CTXN1: variants seen among roughly 807,000 people sequenced by gnomAD.
CTXN1 encodes the protein cortexin 1, also known as cortexin-1.
CTXN1 carries 4 observed loss-of-function variants against 5.5 expected under a neutral mutation model. The ratio of observed to expected loss-of-function variants is 0.73; its 90% CI spans 0.36 to 1.68. The LOEUF is 1.68. Ranked by LOEUF, CTXN1 falls within the 40% of genes most tolerant of loss-of-function variation. The pLI is 0.05. For missense variants in CTXN1, 111 were observed against 123.0 expected, an observed-to-expected ratio of 0.90 and a Z score of 0.46; for synonymous variants, 67 against 62.8, an observed-to-expected ratio of 1.07 and a Z score of -0.32.
In CTXN1 at chr19:7,925,705, G is replaced by A; in HGVS notation, c.-20-147C>T. 2.8e-6 allele frequency: 2 copies of A among 701,840 alleles called. No individual in the cohort carries two copies. Among genetic ancestry groups the A allele is most frequent in the South Asian group, 5.5e-5 (1 of 18,322 alleles). The allele number at this position is 701,840 out of a possible 1,614,324, so 43.5% of individuals were successfully genotyped here. A position where few individuals can be genotyped will look rare whatever the true frequency, so the allele number is the denominator to read the frequency against. On this transcript the variant is annotated intron_variant, in intron 1 of 1. Coordinates refer to ENST00000318978, the MANE Select transcript of CTXN1 (RefSeq NM_206833.4). This position sits in a 1 kb window ranked among gnomAD's most constrained non-coding sequence, Gnocchi z 5.0. ...ATCCCCCGCCCGCGCCTCGGTCCCC[G>A]GGCTACGCCCATGCCCGGCCCGCCG...
Position 7,925,877 on chromosome 19 carries a change from A to ACGGTCCCCGCGGCCC in CTXN1, c.-21+75_-21+89dup, listed in dbSNP as rs1983769909. 1 of 169,132 alleles carries ACGGTCCCCGCGGCCC rather than the reference A, an allele frequency of 5.9e-6. No homozygotes were observed. Among genetic ancestry groups the ACGGTCCCCGCGGCCC allele is most frequent in the African/African-American group, 2.5e-5 (1 of 40,662 alleles). The allele number at this position is 169,132 out of a possible 1,614,324, so 10.5% of individuals were successfully genotyped here. ...CGCGGCCCGGGCGCGCGGCGTGGGGACGGTCCCCGCGGCCCCTGCCCCCGC... is the reference window on the plus strand; with the variant it reads ...CGCGGCCCGGGCGCGCGGCGTGGGGACGGTCCCCGCGGCCCCGGTCCCCGCGGCCCCTGCCCCCGC... On this transcript the variant is annotated intron_variant, in intron 1 of 1. Transcript: ENST00000318978. The surrounding 1 kb of genome is among the most constrained non-coding windows in gnomAD (Gnocchi z 5.0).
chr19:7,925,486 G>T lies in CTXN1; in HGVS notation c.53C>A (p.Pro18His). The T allele has an allele frequency of 1.3e-6, 2 of 1,534,282 alleles. No homozygotes were observed. Among genetic ancestry groups the T allele is most frequent in the South Asian group, 1.2e-5 (1 of 84,064 alleles). Residue 18 changes from proline (P) to histidine (H), a missense_variant, in exon 2 of 2, where the codon CCC becomes CAC. Coordinates refer to ENST00000318978, the MANE Select transcript of CTXN1 (RefSeq NM_206833.4). This position sits in a 1 kb window ranked among gnomAD's most constrained non-coding sequence, Gnocchi z 5.0. ...SPEPLPPSTG[P>H]PVGAGLDAEQ... Reference sequence around the variant, plus strand: ...CGCGTCCAGGCCCGCGCCCACCGGGGGCCCCGTCGACGGCGGCAGGGGCTC... The same window carrying T: ...CGCGTCCAGGCCCGCGCCCACCGGGTGCCCCGTCGACGGCGGCAGGGGCTC...
chr19:7,925,645 C>T lies in CTXN1; in HGVS notation c.-20-87G>A. ...TCCTCCGCTTCGCCCCCTCCTGCCG[C>T]CGCCGCCGCCGCCTCCCTTAACGTG... On this transcript the variant is annotated intron_variant, in intron 1 of 1. Coordinates refer to ENST00000318978, the MANE Select transcript of CTXN1 (RefSeq NM_206833.4). The surrounding 1 kb of genome is among the most constrained non-coding windows in gnomAD (Gnocchi z 5.0). The T allele has an allele frequency of 1.8e-6, 2 of 1,101,854 alleles. No homozygotes were observed. The highest frequency in any genetic ancestry group is 2.3e-6 in the Non-Finnish European group (2 of 861,858). The allele number at this position is 1,101,854 out of a possible 1,614,324, so 68.3% of individuals were successfully genotyped here.
Position 7,925,489 on chromosome 19 carries a change from C to A in CTXN1, c.50G>T (p.Gly17Val), listed in dbSNP as rs1983756968. 6.5e-7 allele frequency: 1 copy of A among 1,530,210 alleles called. No homozygotes were observed. The highest frequency in any genetic ancestry group is 1.4e-5 in the African/African-American group (1 of 70,234). The allele number at this position is 1,530,210 out of a possible 1,614,324, so 94.8% of individuals were successfully genotyped here. A position where few individuals can be genotyped will look rare whatever the true frequency, so the allele number is the denominator to read the frequency against. The change falls in exon 2 of 2, where the codon GGG (glycine) becomes GTG (valine). Residue 17 changes from glycine (G) to valine (V), a missense_variant. Physicochemically the swap from Gly to Val is moderately radical, Grantham distance 109 (BLOSUM62 -3). Coordinates refer to ENST00000318978, the MANE Select transcript of CTXN1 (RefSeq NM_206833.4). The surrounding 1 kb of genome is among the most constrained non-coding windows in gnomAD (Gnocchi z 5.0). ...LSPEPLPPST[G>V]PPVGAGLDAE... The stretch of plus-strand genomic sequence containing the variant: ...GTCCAGGCCCGCGCCCACCGGGGGC[C>A]CCGTCGACGGCGGCAGGGGCTCCGG...
rs767061441 is a variant in CTXN1, at chr19:7,925,390, A to T, written c.149T>A (p.Val50Glu). Reference protein sequence around the residue: ...VVLVLLMVRCVRILLDPYSRM... With the variant: ...VVLVLLMVRCERILLDPYSRM... ...GCTGTAGGGGTCGAGCAGGATGCGC[A>T]CGCAGCGCACCATCAACAGCACCAG... The change falls in exon 2 of 2, where the codon GTG (valine) becomes GAG (glutamate). Residue 50 changes from valine to glutamate, a missense_variant. Val to Glu is a moderately radical substitution (Grantham distance 121). Coordinates refer to ENST00000318978, the MANE Select transcript of CTXN1 (RefSeq NM_206833.4). This position sits in a 1 kb window ranked among gnomAD's most constrained non-coding sequence, Gnocchi z 5.0. The T allele has an allele frequency of 6.3e-7, 1 of 1,585,734 alleles. No homozygotes were observed. The highest frequency in any genetic ancestry group is 8.5e-7 in the Non-Finnish European group (1 of 1,171,084).
chr19:7,925,317 G>A lies in CTXN1; in HGVS notation c.222C>T (p.Arg74=), dbSNP rs772915479. The part of the protein sequence containing the change: ...SWTDHKEALE[R]GQFDYALV ...ACACCAACGCGTAGTCGAACTGCCC[G>A]CGCTCGAGCGCCTCCTTGTGGTCGG... The change falls in exon 2 of 2, where the codon CGC becomes CGT. Residue 74 remains arginine (R), a synonymous_variant. Coordinates refer to ENST00000318978, the MANE Select transcript of CTXN1 (RefSeq NM_206833.4). This position sits in a 1 kb window ranked among gnomAD's most constrained non-coding sequence, Gnocchi z 5.0. 1.7e-5 allele frequency: 25 copies of A among 1,493,960 alleles called. No homozygotes were observed. The highest frequency in any genetic ancestry group is 2.9e-5 in the African/African-American group (2 of 69,106). 92.5% of individuals were successfully genotyped at this position (1,493,960 alleles called of 1,614,324 possible). A position where few individuals can be genotyped will look rare whatever the true frequency, so the allele number is the denominator to read the frequency against.
chr19:7,925,562 C>A lies in CTXN1; in HGVS notation c.-20-4G>T. 3.0e-6 allele frequency: 4 copies of A among 1,354,614 alleles called. No homozygotes were observed. The highest frequency in any genetic ancestry group is 3.8e-6 in the Non-Finnish European group (4 of 1,059,014). The allele number at this position is 1,354,614 out of a possible 1,614,324, so 83.9% of individuals were successfully genotyped here. A position where few individuals can be genotyped will look rare whatever the true frequency, so the allele number is the denominator to read the frequency against. On this transcript the variant is annotated splice_polypyrimidine_tract_variant and splice_region_variant and intron_variant, in intron 1 of 1. Coordinates refer to ENST00000318978, the MANE Select transcript of CTXN1 (RefSeq NM_206833.4). The surrounding 1 kb of genome is among the most constrained non-coding windows in gnomAD (Gnocchi z 5.0). The stretch of plus-strand genomic sequence containing the variant: ...ATGGCTCACATCGCCGCGCGCCCTG[C>A]GGAGGAGGGGACCCGCCCCGGGCGC...
At position 7,925,639 on chromosome 19, in the gene CTXN1, C is replaced by A; in HGVS notation, c.-20-81G>T. On this transcript the variant is annotated intron_variant, in intron 1 of 1. Coordinates refer to ENST00000318978, the MANE Select transcript of CTXN1 (RefSeq NM_206833.4). This position sits in a 1 kb window ranked among gnomAD's most constrained non-coding sequence, Gnocchi z 5.0. ...CGCGCCTCCTCCGCTTCGCCCCCTCCTGCCGCCGCCGCCGCCGCCTCCCTT... is the reference window on the plus strand; with the variant it reads ...CGCGCCTCCTCCGCTTCGCCCCCTCATGCCGCCGCCGCCGCCGCCTCCCTT... 1 of 1,178,106 alleles carries A rather than the reference C, an allele frequency of 8.5e-7. No individual in the cohort carries two copies. The highest frequency in any genetic ancestry group is 1.1e-6 in the Non-Finnish European group (1 of 930,090). The allele number at this position is 1,178,106 out of a possible 1,614,324, so 73.0% of individuals were successfully genotyped here.
At position 7,925,980 on chromosome 19, in the gene CTXN1, C is replaced by A; in HGVS notation, c.-34G>T. The stretch of plus-strand genomic sequence containing the variant: ...CGCGCCCCTCACCCTGGCTTCGACC[C>A]GGACGGGGACCGACCGCCCGGCGGC... On this transcript the variant is annotated 5_prime_UTR_variant, in exon 1 of 2. Transcript: ENST00000318978. This position sits in a 1 kb window ranked among gnomAD's most constrained non-coding sequence, Gnocchi z 5.0. 6.6e-6 allele frequency: 1 copy of A among 150,600 alleles called. No homozygotes were observed. Among genetic ancestry groups the A allele is most frequent in the South Asian group, 1.9e-4 (1 of 5,294 alleles). 9.3% of individuals were successfully genotyped at this position (150,600 alleles called of 1,614,324 possible).
chr19:7,925,391 C>G lies in CTXN1; in HGVS notation c.148G>C (p.Val50Leu). 6.3e-7 allele frequency: 1 copy of G among 1,586,024 alleles called. No homozygotes were observed. The highest frequency in any genetic ancestry group is 8.5e-7 in the Non-Finnish European group (1 of 1,171,196). ...CTGTAGGGGTCGAGCAGGATGCGCA[C>G]GCAGCGCACCATCAACAGCACCAGC... ...VVLVLLMVRC[V>L]RILLDPYSRM... Residue 50 changes from valine to leucine, a missense_variant, in exon 2 of 2, where the codon GTG becomes CTG. Physicochemically the swap from Val to Leu is conservative, Grantham distance 32 (BLOSUM62 1). Coordinates refer to ENST00000318978, the MANE Select transcript of CTXN1 (RefSeq NM_206833.4). The surrounding 1 kb of genome is among the most constrained non-coding windows in gnomAD (Gnocchi z 5.0).
In CTXN1 at chr19:7,925,224, G is replaced by T; in HGVS notation, c.*66C>A. The T allele has an allele frequency of 8.3e-7, 1 of 1,207,038 alleles. No homozygotes were observed. The highest frequency in any genetic ancestry group is 1.0e-6 in the Non-Finnish European group (1 of 960,280). 74.8% of individuals were successfully genotyped at this position (1,207,038 alleles called of 1,614,324 possible). ...ATCCTGAGCGCAGTCCTGGCCCCGC[G>T]GCGCCCCCCGCCGGGCCGGCCCTCT... On this transcript the variant is annotated 3_prime_UTR_variant, in exon 2 of 2. Coordinates refer to ENST00000318978, the MANE Select transcript of CTXN1 (RefSeq NM_206833.4). The surrounding 1 kb of genome is among the most constrained non-coding windows in gnomAD (Gnocchi z 5.0).
In CTXN1 at chr19:7,925,364, G is replaced by T; in HGVS notation, c.175C>A (p.Arg59Ser). The change falls in exon 2 of 2, where the codon CGC becomes AGC. Residue 59 changes from arginine to serine, a missense_variant. Transcript: ENST00000318978. This position sits in a 1 kb window ranked among gnomAD's most constrained non-coding sequence, Gnocchi z 5.0. ...TCGGTCCAGGACGAGGCGGGCATGC[G>T]GCTGTAGGGGTCGAGCAGGATGCGC... ...CVRILLDPYS[R>S]MPASSWTDHK... 1 of 1,579,312 alleles carries T rather than the reference G, an allele frequency of 6.3e-7. No individual in the cohort carries two copies.
rs746575134 is a variant in CTXN1, at chr19:7,925,278, G to A, written c.*12C>T. The stretch of plus-strand genomic sequence containing the variant: ...ACCCCGGCGCAGGGCCGGCTAGGGG[G>A]CGCCGCGCCCCTCACACCAACGCGT... On this transcript the variant is annotated 3_prime_UTR_variant, in exon 2 of 2. Coordinates refer to ENST00000318978, the MANE Select transcript of CTXN1 (RefSeq NM_206833.4). This position sits in a 1 kb window ranked among gnomAD's most constrained non-coding sequence, Gnocchi z 5.0. 80 of 1,364,542 alleles carry A rather than the reference G, an allele frequency of 5.9e-5. No homozygotes were observed. The highest frequency in any genetic ancestry group is 6.1e-5 in the Non-Finnish European group (64 of 1,055,294). 84.5% of individuals were successfully genotyped at this position (1,364,542 alleles called of 1,614,324 possible). A position where few individuals can be genotyped will look rare whatever the true frequency, so the allele number is the denominator to read the frequency against.
rs1482069084 is a variant in CTXN1, at chr19:7,925,034, G to C, written c.*256C>G. 3.1e-6 allele frequency: 1 copy of C among 326,840 alleles called. No individual in the cohort carries two copies. Among genetic ancestry groups the C allele is most frequent in the South Asian group, 1.5e-4 (1 of 6,730 alleles). The allele number at this position is 326,840 out of a possible 1,614,324, so 20.2% of individuals were successfully genotyped here. On this transcript the variant is annotated 3_prime_UTR_variant, in exon 2 of 2. Transcript: ENST00000318978. The surrounding 1 kb of genome is among the most constrained non-coding windows in gnomAD (Gnocchi z 5.0). ...GATTCAGAGTCGGGGGTGGGGGCCAGCCGGGCGGGTGAGATGCGCAGAGAG... is the reference window on the plus strand; with the variant it reads ...GATTCAGAGTCGGGGGTGGGGGCCACCCGGGCGGGTGAGATGCGCAGAGAG...
Position 7,925,041 on chromosome 19 carries a change from G to A in CTXN1, c.*249C>T. On this transcript the variant is annotated 3_prime_UTR_variant, in exon 2 of 2. Coordinates refer to ENST00000318978, the MANE Select transcript of CTXN1 (RefSeq NM_206833.4). The surrounding 1 kb of genome is among the most constrained non-coding windows in gnomAD (Gnocchi z 5.0). The stretch of plus-strand genomic sequence containing the variant: ...AGTCGGGGGTGGGGGCCAGCCGGGC[G>A]GGTGAGATGCGCAGAGAGGAAGGGA... 1 of 338,198 alleles carries A rather than the reference G, an allele frequency of 3.0e-6. No homozygotes were observed. Among genetic ancestry groups the A allele is most frequent in the Non-Finnish European group, 5.3e-6 (1 of 188,046 alleles). 20.9% of individuals were successfully genotyped at this position (338,198 alleles called of 1,614,324 possible). A position where few individuals can be genotyped will look rare whatever the true frequency, so the allele number is the denominator to read the frequency against.
Position 7,925,253 on chromosome 19 carries a change from AC to A in CTXN1, c.*36del. 8.2e-7 allele frequency: 1 copy of A among 1,225,858 alleles called. No individual in the cohort carries two copies. Among genetic ancestry groups the A allele is most frequent in the Non-Finnish European group, 1.0e-6 (1 of 984,544 alleles). The allele number at this position is 1,225,858 out of a possible 1,614,324, so 75.9% of individuals were successfully genotyped here. The stretch of plus-strand genomic sequence containing the variant: ...CCCCCCGCCGGGCCGGCCCTCTGAG[AC>A]CCCGGCGCAGGGCCGGCTAGGGGGC... On this transcript the variant is annotated 3_prime_UTR_variant, in exon 2 of 2. Transcript: ENST00000318978. This position sits in a 1 kb window ranked among gnomAD's most constrained non-coding sequence, Gnocchi z 5.0.
Position 7,925,340 on chromosome 19 carries a change from C to G in CTXN1, c.199G>C (p.Asp67His), listed in dbSNP as rs760678087. Residue 67 changes from aspartate (D) to histidine (H), a missense_variant, in exon 2 of 2, where the codon GAC (aspartate) becomes CAC (histidine). By Grantham distance (81) the Asp-to-His change is moderately conservative. Coordinates refer to ENST00000318978, the MANE Select transcript of CTXN1 (RefSeq NM_206833.4). This position sits in a 1 kb window ranked among gnomAD's most constrained non-coding sequence, Gnocchi z 5.0. The part of the protein sequence containing the change: ...YSRMPASSWT[D>H]HKEALERGQF... ...CCGCGCTCGAGCGCCTCCTTGTGGT[C>G]GGTCCAGGACGAGGCGGGCATGCGG... 1.3e-6 allele frequency: 2 copies of G among 1,536,518 alleles called. No individual in the cohort carries two copies. Among genetic ancestry groups the G allele is most frequent in the Non-Finnish European group, 8.7e-7 (1 of 1,145,540 alleles).
rs1983716363 is a variant in CTXN1, at chr19:7,924,612, G to A, written c.*678C>T. 6.6e-6 allele frequency: 1 copy of A among 152,342 alleles called. No individual in the cohort carries two copies. Among genetic ancestry groups the A allele is most frequent in the South Asian group, 2.1e-4 (1 of 4,854 alleles). 9.4% of individuals were successfully genotyped at this position (152,342 alleles called of 1,614,324 possible). ...GGGGTCAGGGGCAAGTGGCAGGAGG[G>A]CGGATGGGGGGCAGCGGTGGGCACC... On this transcript the variant is annotated 3_prime_UTR_variant, in exon 2 of 2. Coordinates refer to ENST00000318978, the MANE Select transcript of CTXN1 (RefSeq NM_206833.4).
Position 7,925,452 on chromosome 19 carries a change from G to A in CTXN1, c.87C>T (p.Arg29=), listed in dbSNP as rs763344034. The A allele has an allele frequency of 1.3e-6, 2 of 1,575,404 alleles. No individual in the cohort carries two copies. Among genetic ancestry groups the A allele is most frequent in the African/African-American group, 1.4e-5 (1 of 71,932 alleles). Residue 29 remains arginine, a synonymous_variant, in exon 2 of 2, where the codon CGC becomes CGT. Transcript: ENST00000318978. The surrounding 1 kb of genome is among the most constrained non-coding windows in gnomAD (Gnocchi z 5.0). ...GGCAGAGCACGAAGGCGAACACCGT[G>A]CGCTGCTCCGCGTCCAGGCCCGCGC... is the stretch of plus-strand genomic sequence containing the variant. ...PVGAGLDAEQ[R]TVFAFVLCLL...
Sources: gnomAD v4.1 joint callset for allele counts on GRCh38, gnomAD v4.1.1 for gene constraint, Gnocchi (gnomAD v3.1) non-coding constraint, MANE v1.5 for transcripts, NCBI Gene and HGNC (gene_info 2026-07-23, HGNC 2026-07-21) for gene names.